UGDH: variants seen among roughly 807,000 people sequenced by gnomAD.
UGDH encodes UDP-glucose 6-dehydrogenase, also known as UDP-Glc dehydrogenase.
Under a neutral mutation model 50.6 loss-of-function variants are expected in UGDH, and 38 were observed. The ratio of observed to expected loss-of-function variants is 0.75; its 90% CI spans 0.58 to 0.98. The LOEUF (loss-of-function observed/expected upper bound fraction) is 0.98, where lower values mean the gene tolerates loss of function less well. Among genes scored for constraint, UGDH ranks in the 50% least tolerant of loss-of-function variants. The pLI is 0.00. For missense variants in UGDH, 465 were observed against 606.2 expected, an observed-to-expected ratio of 0.77 and a Z score of 2.45; for synonymous variants, 168 against 199.9, an observed-to-expected ratio of 0.84 and a Z score of 1.35.
At chr4:39,518,597 G>A (rs142736073) in intron 2 of UGDH, among the ~76,000 whole-genome samples, 1 of 150,012 alleles carries the variant, frequency 6.7e-6, no homozygotes, top group Non-Finnish European at 1.5e-5. Context: ...GATTACAGGT[G>A]TGAGCCACCG....
chr4:39,510,263 T>C, intron 5 of UGDH, 90 bp downstream of exon 5: 2 of 1,315,018 alleles, frequency 1.5e-6, no homozygotes, highest in Non-Finnish European at 2.1e-6. Flanking sequence ...CTCTTACTAC[T>C]ATTAAAAAAG....
chr4:39,500,441 C>A lies in UGDH; in HGVS notation c.1375-188G>T, dbSNP rs113265430. ...TTTGTTCCTAGAATTAATCTGTACTCCATCGTAATATTCATATCTAGACTT... is the reference window on the plus strand; with the variant it reads ...TTTGTTCCTAGAATTAATCTGTACTACATCGTAATATTCATATCTAGACTT... On this transcript the variant is annotated intron_variant, in intron 11 of 11. Transcript: ENST00000316423. Among the ~76,000 whole-genome samples the A allele has an allele frequency of 3.3e-5, 5 of 152,180 alleles. 1 individual carries two copies. Among genetic ancestry groups the A allele is most frequent in the African/African-American group, 1.2e-4 (5 of 41,520 alleles).
intron 9 of UGDH, 31 bp downstream of exon 9, chr4:39,505,206 T>C: frequency 6.4e-7 from 1 of 1,565,466 alleles, no homozygotes; most frequent in South Asian, 1.3e-5. Flanking sequence ...AGGTCTGGAC[T>C]CAAAATGATT....
At chr4:39,506,115 CA>C (rs1449352387) in intron 7 of UGDH, among the ~76,000 whole-genome samples, 1 of 151,396 alleles carries the variant, frequency 6.6e-6, no homozygotes, top group Non-Finnish European at 1.5e-5. Context: ...CCTGTAGTCC[CA>C]GCTACTTGGG....
Position 39,510,752 on chromosome 4 carries a change from A to G in UGDH, c.374T>C (p.Ile125Thr), listed in dbSNP as rs1578270476. 6.2e-7 allele frequency: 1 copy of G among 1,614,160 alleles called. No individual in the cohort carries two copies. Among genetic ancestry groups the G allele is most frequent in the East Asian group, 2.2e-5 (1 of 44,890 alleles). The change falls in exon 4 of 12, where the codon ATT (isoleucine) becomes ACT (threonine). Residue 125 changes from isoleucine (I) to threonine (T), a missense_variant. Transcript: ENST00000316423. ...RIVQNSNGYK[I>T]VTEKSTVPVR... ...TGGAACTGTGCTTTTCTCAGTCACA[A>G]TTTTGTACCCATTTGAGTTTTGCAC... is the stretch of plus-strand genomic sequence containing the variant.
At chr4:39,501,735 TA>T (rs1250444007) in intron 11 of UGDH, among the ~76,000 whole-genome samples, 1 of 152,198 alleles carries the variant, frequency 6.6e-6, no homozygotes, top group Non-Finnish European at 1.5e-5. Flanking sequence ...TTAAATTAGG[TA>T]AAGTGCTTAG....
chr4:39,506,618 A>T (rs1045602159), intron 7 of UGDH, among the ~76,000 whole-genome samples: 2 of 152,240 alleles, frequency 1.3e-5, no homozygotes, highest in African/African-American at 4.8e-5. Context: ...ACTAAATGTT[A>T]TAAGAGTCTC....
rs1745682664 is a variant in UGDH at position 39,498,818 on chromosome 4, T to A, written c.*1325A>T. Reference sequence around the variant, plus strand: ...ATCTGTAGAGATGCTTCTGTCCTCATCTTTATATTTGTCTCCCTCTTCTCA... The same window carrying A: ...ATCTGTAGAGATGCTTCTGTCCTCAACTTTATATTTGTCTCCCTCTTCTCA... On this transcript the variant is annotated 3_prime_UTR_variant, in exon 12 of 12. Transcript: ENST00000316423. The A allele has an allele frequency of 6.6e-6, 1 of 152,206 alleles. No homozygotes were observed. The highest frequency in any genetic ancestry group is 2.4e-5 in the African/African-American group (1 of 41,448). The allele number at this position is 152,206 out of a possible 1,614,324, so 9.4% of individuals were successfully genotyped here. A position where few individuals can be genotyped will look rare whatever the true frequency, so the allele number is the denominator to read the frequency against.
At chr4:39,516,775 C>A (rs1746454813) in intron 2 of UGDH, among the ~76,000 whole-genome samples, 1 of 152,172 alleles carries the variant, frequency 6.6e-6, no homozygotes. Context: ...AATATGATGT[C>A]ACCAATCACA....
At position 39,504,521 on chromosome 4, in the gene UGDH, C is replaced by A; in HGVS notation, c.1172-13G>T. 1.2e-6 allele frequency: 2 copies of A among 1,609,160 alleles called. No homozygotes were observed. Among genetic ancestry groups the A allele is most frequent in the Non-Finnish European group, 1.7e-6 (2 of 1,176,506 alleles). On this transcript the variant is annotated splice_polypyrimidine_tract_variant and intron_variant, in intron 9 of 11. Transcript: ENST00000316423. Reference sequence around the variant, plus strand: ...ACGAGCCGGGACACTGTAACAATAGCAACAACAAAAAAACAGAAATAAGAA... The same window carrying A: ...ACGAGCCGGGACACTGTAACAATAGAAACAACAAAAAAACAGAAATAAGAA...
At chr4:39,500,852 A>G (rs557186986) in intron 11 of UGDH, among the ~76,000 whole-genome samples, 1 of 152,134 alleles carries the variant, frequency 6.6e-6, no homozygotes, top group Non-Finnish European at 1.5e-5. Flanking sequence ...ATGAGGTTTT[A>G]CATGCTGGCC....
rs1012800741 is a variant in UGDH, at chr4:39,499,910, G to C, written c.*233C>G. 6 of 313,888 alleles carry C rather than the reference G, an allele frequency of 1.9e-5. No individual in the cohort carries two copies. The highest frequency in any genetic ancestry group is 6.5e-5 in the African/African-American group (3 of 46,336). 19.4% of individuals were successfully genotyped at this position (313,888 alleles called of 1,614,324 possible). ...CCAGGCACTGTGGCGGGTGCCTGTA[G>C]TCCCAGCTACTTGGGAGGCTGAGCC... is the stretch of plus-strand genomic sequence containing the variant. On this transcript the variant is annotated 3_prime_UTR_variant, in exon 12 of 12. Coordinates refer to ENST00000316423, the MANE Select transcript of UGDH (RefSeq NM_003359.4).
intron 2 of UGDH, among the ~76,000 whole-genome samples, chr4:39,520,596 C>T (rs1173626337): frequency 6.6e-6 from 1 of 151,822 alleles, no homozygotes; most frequent in Non-Finnish European, 1.5e-5. Flanking sequence ...ATTTGTGGCA[C>T]CAAACTCTAA....
intron 3 of UGDH, 77 bp downstream of exon 3, chr4:39,514,006 T>C: frequency 8.2e-7 from 1 of 1,214,092 alleles, no homozygotes; most frequent in African/African-American, 1.8e-5. Flanking sequence ...TACCAATGGA[T>C]TTACTATTAA....
intron 9 of UGDH, 31 bp from the exon 10 acceptor site, chr4:39,504,539 A>AT (rs1745956098): frequency 6.3e-7 from 1 of 1,582,154 alleles, no homozygotes; most frequent in Admixed American, 1.7e-5. Flanking sequence ...AAAAAACAGA[A>AT]ATAAGAAAGG....
intron 8 of UGDH, 99 bp downstream of exon 8, chr4:39,505,519 T>C (rs546208361): frequency 1.8e-6 from 2 of 1,136,282 alleles, no homozygotes; most frequent in South Asian, 6.0e-5. Context: ...ATATTTTATA[T>C]ATATACATGT....
At chr4:39,507,184 T>C (rs545275906) in intron 7 of UGDH, among the ~76,000 whole-genome samples, 26 of 152,280 alleles carry the variant, frequency 1.7e-4, no homozygotes, top group African/African-American at 4.6e-4. Flanking sequence ...ATAATGTTAG[T>C]GATGAGGATT....
chr4:39,521,283 C>A, intron 2 of UGDH, 68 bp downstream of exon 2: 2 of 1,368,972 alleles, frequency 1.5e-6, no homozygotes, highest in Middle Eastern at 2.0e-4. Context: ...ATTAATAGTG[C>A]ATATAAATGA....
chr4:39,505,336 T>C lies in UGDH; in HGVS notation c.1072A>G (p.Met358Val). ...ATATGTAGATGTGCACCTTCATCCATCAAATATTTGCTAATATATATACTA... is the reference window on the plus strand; with the variant it reads ...ATATGTAGATGTGCACCTTCATCCACCAAATATTTGCTAATATATATACTA... ...SSSIYISKYL[M>V]DEGAHLHIYD... The change falls in exon 9 of 12, where the codon ATG (methionine) becomes GTG (valine). Residue 358 changes from methionine to valine, a missense_variant. Transcript: ENST00000316423. 1 of 1,584,536 alleles carries C rather than the reference T, an allele frequency of 6.3e-7. No individual in the cohort carries two copies.
Sources: gnomAD v4.1 joint callset for allele counts (sites outside exome capture counted in the v4.1 genomes callset) on GRCh38, gnomAD v4.1.1 for gene constraint, MANE v1.5 for transcripts, NCBI Gene and HGNC (gene_info 2026-07-23, HGNC 2026-07-21) for gene names.